CCDC175: variants seen among roughly 807,000 people sequenced by gnomAD.
The protein encoded by CCDC175 is coiled-coil domain-containing protein 175.
CCDC175 carries 100 observed loss-of-function variants against 114.6 expected under a neutral mutation model. The ratio of observed to expected loss-of-function variants is 0.87; its 90% confidence interval spans 0.74 to 1.03. The LOEUF is 1.03. Among genes scored for constraint, CCDC175 ranks in the 50% least tolerant of loss-of-function variants. The pLI is 0.00. For synonymous variants in CCDC175, 306 were observed against 308.7 expected (o/e 0.99, Z 0.09); for missense variants, 880 against 917.8 (o/e 0.96, Z 0.53).
chr14:59,550,973 T>G (rs974037755), intron 8 of CCDC175, among the ~76,000 whole-genome samples: 1 of 152,226 alleles, frequency 6.6e-6, no homozygotes, highest in African/African-American at 2.4e-5. Flanking sequence ...ATATGATATA[T>G]AATATTTAGA....
intron 8 of CCDC175, among the ~76,000 whole-genome samples, chr14:59,547,210 A>T (rs1357731151): frequency 6.6e-6 from 1 of 152,250 alleles, no homozygotes; most frequent in Non-Finnish European, 1.5e-5. Flanking sequence ...GTGCAACTGA[A>T]CAGCTAAGGC....
At chr14:59,547,914 A>C (rs1895215136) in intron 8 of CCDC175, among the ~76,000 whole-genome samples, 2 of 152,218 alleles carry the variant, frequency 1.3e-5, no homozygotes, top group African/African-American at 4.8e-5. Flanking sequence ...GTAATATTTT[A>C]TAATAACAAA....
At chr14:59,546,451 C>T (rs1232788083) in intron 8 of CCDC175, among the ~76,000 whole-genome samples, 1 of 152,036 alleles carries the variant, frequency 6.6e-6, no homozygotes, top group Non-Finnish European at 1.5e-5. Context: ...TGCACATGTG[C>T]TTGAATCTAA....
chr14:59,536,525 G>C (rs2140022083), intron 13 of CCDC175, among the ~76,000 whole-genome samples: 1 of 151,930 alleles, frequency 6.6e-6, no homozygotes, highest in African/African-American at 2.4e-5. Context: ...AAGAATGCCA[G>C]GCACCTAGAC....
At chr14:59,521,086 G>A (rs1417945825) in intron 17 of CCDC175, among the ~76,000 whole-genome samples, 3 of 152,184 alleles carry the variant, frequency 2.0e-5, no homozygotes, top group African/African-American at 7.2e-5. Flanking sequence ...TACTGTTCCT[G>A]GGTATGTCTA....
Position 59,525,277 on chromosome 14 carries a change from C to T in CCDC175, c.1995+5G>A. The T allele has an allele frequency of 7.0e-7, 1 of 1,438,054 alleles. No individual in the cohort carries two copies. Among genetic ancestry groups the T allele is most frequent in the Non-Finnish European group, 9.1e-7 (1 of 1,104,556 alleles). The allele number at this position is 1,438,054 out of a possible 1,614,324, so 89.1% of individuals were successfully genotyped here. ...TCATGAAAAGGATGGTGCTCTTAAA[C>T]TTACTTCTTTTAATTTTTTATTTTC... On this transcript the variant is annotated splice_donor_5th_base_variant and intron_variant, in intron 16 of 19. Transcript: ENST00000537690.
intron 19 of CCDC175, among the ~76,000 whole-genome samples, chr14:59,507,838 C>G (rs1443518671): frequency 6.6e-6 from 1 of 152,184 alleles, no homozygotes; most frequent in Non-Finnish European, 1.5e-5. Context: ...GCTTAGCTGG[C>G]ATGGTGGCTC....
At position 59,551,372 on chromosome 14, in the gene CCDC175, G is replaced by T; in HGVS notation, c.1018C>A (p.Leu340Met). ...CTTCTTACCTGTTTTATCTTGTTCA[G>T]GAATTCATTTTTTTCATCATTAGAT... ...DISNDEKNEFLNKIKQLVETL... is the reference protein window; with the variant it reads ...DISNDEKNEFMNKIKQLVETL... The change falls in exon 8 of 20, where the codon CTG becomes ATG. Residue 340 changes from leucine to methionine, a missense_variant. By Grantham distance (15) the Leu-to-Met change is conservative. Coordinates refer to ENST00000537690, the MANE Select transcript of CCDC175 (RefSeq NM_001164399.2). 2 of 1,414,746 alleles carry T rather than the reference G, an allele frequency of 1.4e-6. No homozygotes were observed. The highest frequency in any genetic ancestry group is 9.5e-7 in the Non-Finnish European group (1 of 1,057,958). The allele number at this position is 1,414,746 out of a possible 1,614,324, so 87.6% of individuals were successfully genotyped here.
chr14:59,520,475 T>C (rs938021091), intron 17 of CCDC175, among the ~76,000 whole-genome samples: 2 of 152,216 alleles, frequency 1.3e-5, no homozygotes, highest in Non-Finnish European at 2.9e-5. Flanking sequence ...CTAATTGCTA[T>C]ATAATTCAGC....
intron 11 of CCDC175, among the ~76,000 whole-genome samples, chr14:59,540,021 A>C (rs1894673194): frequency 6.6e-6 from 1 of 152,130 alleles, no homozygotes; most frequent in Admixed American, 6.5e-5. Context: ...CAGTGTGCCG[A>C]GATGGCACCA....
intron 19 of CCDC175, 146 bp from the exon 20 acceptor site, chr14:59,505,461 G>GTGTC (rs1566587148): frequency 4.8e-6 from 2 of 416,672 alleles, no homozygotes; most frequent in Admixed American, 3.9e-5. Flanking sequence ...GGGGTGTCAT[G>GTGTC]TGTCTGATTA....
At chr14:59,509,531 A>G (rs1050294427) in intron 19 of CCDC175, among the ~76,000 whole-genome samples, 14 of 152,148 alleles carry the variant, frequency 9.2e-5, no homozygotes, top group African/African-American at 3.1e-4. Flanking sequence ...CATTTATTTT[A>G]AGACAGGGTC....
chr14:59,535,583 T>C (rs1894345120), intron 13 of CCDC175, among the ~76,000 whole-genome samples: 2 of 152,242 alleles, frequency 1.3e-5, no homozygotes, highest in African/African-American at 2.4e-5. Context: ...ACTTGGGTTA[T>C]TGCTTTAGCT....
chr14:59,521,800 G>T (rs927695198), intron 16 of CCDC175, 124 bp from the exon 17 acceptor site: 4 of 581,292 alleles, frequency 6.9e-6, no homozygotes, highest in South Asian at 2.3e-5. Context: ...AGGTACAGGG[G>T]TAACAGTGGG....
rs562129286 is a variant in CCDC175 at position 59,555,954 on chromosome 14, C to T, written c.954-4518G>A. Among the ~76,000 whole-genome samples, 951 of 151,994 alleles carry T rather than the reference C, an allele frequency of 6.3e-3. 6 individuals carry two copies. The highest frequency in any genetic ancestry group is 0.022 in the African/African-American group (894 of 41,392). On this transcript the variant is annotated intron_variant, in intron 7 of 19. Coordinates refer to ENST00000537690, the MANE Select transcript of CCDC175 (RefSeq NM_001164399.2). The stretch of plus-strand genomic sequence containing the variant: ...AAGAGAACTACAAACCACTGCTCAA[C>T]GAAATAAAAGAGGACACAAACAAAT...
chr14:59,541,979 C>G (rs1182196413), intron 10 of CCDC175, among the ~76,000 whole-genome samples: 1 of 152,192 alleles, frequency 6.6e-6, no homozygotes, highest in African/African-American at 2.4e-5. Flanking sequence ...ATGGGGACAA[C>G]CATTCAAGCA....
At chr14:59,512,358 C>T (rs2139955596) in intron 17 of CCDC175, among the ~76,000 whole-genome samples, 1 of 152,324 alleles carries the variant, frequency 6.6e-6, no homozygotes, top group South Asian at 2.1e-4. Flanking sequence ...GCACTCTGTG[C>T]CCGCATGACT....
chr14:59,572,421 G>A (rs1048954317), intron 3 of CCDC175, among the ~76,000 whole-genome samples: 2 of 152,162 alleles, frequency 1.3e-5, no homozygotes, highest in African/African-American at 2.4e-5. Context: ...GTTTAGGCCA[G>A]CCAAGTTGCC....
Position 59,510,628 on chromosome 14 carries a change from C to T in CCDC175, c.2305+18G>A. 1.3e-6 allele frequency: 2 copies of T among 1,536,734 alleles called. No homozygotes were observed. Among genetic ancestry groups the T allele is most frequent in the Non-Finnish European group, 1.7e-6 (2 of 1,146,518 alleles). On this transcript the variant is annotated intron_variant, in intron 19 of 19. Transcript: ENST00000537690. ...AGCAGGAAGTCCCATGTTACCAAAG[C>T]TCTAAGCTGTTGCTTACTAAGAAGG...
Sources: allele counts gnomAD v4.1 joint callset (sites outside exome capture counted in the v4.1 genomes callset), GRCh38; gene constraint gnomAD v4.1.1; transcripts MANE v1.5; gene names NCBI Gene and HGNC (gene_info 2026-07-23, HGNC 2026-07-21).